Variants in KDM4B observed in about 807,000 individuals in gnomAD.
KDM4B encodes lysine demethylase 4B.
A neutral mutation model predicts 125.2 loss-of-function variants in KDM4B; 32 were observed. The observed-to-expected ratio is 0.26, with a 90% CI of 0.19 to 0.34. The LOEUF (loss-of-function observed/expected upper bound fraction) is 0.34, where lower values mean the gene tolerates loss of function less well. Among genes scored for constraint, KDM4B ranks in the 10% least tolerant of loss-of-function variants. KDM4B has a pLI of 1.00. For synonymous variants in KDM4B, 721 were observed against 677.9 expected (o/e 1.06, Z -0.99); for missense variants, 1,190 against 1,577.7 (o/e 0.75, Z 4.16).
chr19:5,137,977 C>G lies in KDM4B; in HGVS notation c.2457C>G (p.Ile819Met). 2 of 1,612,398 alleles carry G rather than the reference C, an allele frequency of 1.2e-6. No individual in the cohort carries two copies. ...GCCCTCCCAGGTGGATCCACGTGAT[C>G]TGTGCCATCGCAGTCCCCGAGGCGC... ...MTTDRRWIHV[I>M]CAIAVPEARF... The change falls in exon 18 of 23, where the codon ATC (isoleucine) becomes ATG (methionine). Residue 819 changes from isoleucine (I) to methionine (M), a missense_variant. This residue lies in a region of KDM4B where 298 missense variants were observed against 439.7 expected (regional missense o/e 0.68). Coordinates refer to ENST00000159111, the MANE Select transcript of KDM4B (RefSeq NM_015015.3).
intron 9 of KDM4B, among the ~76,000 whole-genome samples, chr19:5,091,703 G>A (rs1021474297): frequency 3.9e-5 from 6 of 151,900 alleles, no homozygotes; most frequent in East Asian, 1.9e-4. Context: ...TGATTAACCC[G>A]GAGCCCAGGG....
At chr19:5,056,868 CCTGGGGCGGGGACG>C (rs1331833006) in intron 6 of KDM4B, among the ~76,000 whole-genome samples, 3 of 145,084 alleles carry the variant, frequency 2.1e-5, no homozygotes, top group African/African-American at 5.1e-5. Flanking sequence ...GGCGGGGAGT[CCTGGGGCGGGGACG>C]CTGGGGCGGG....
At chr19:5,015,018 A>C (rs1276104050) in intron 1 of KDM4B, among the ~76,000 whole-genome samples, 1 of 151,774 alleles carries the variant, frequency 6.6e-6, no homozygotes, top group Non-Finnish European at 1.5e-5. Flanking sequence ...AAAGTACAAC[A>C]AAACCAGGGC....
intron 8 of KDM4B, 28 bp downstream of exon 8, chr19:5,077,498 G>A: frequency 1.3e-6 from 2 of 1,572,484 alleles, no homozygotes; most frequent in Non-Finnish European, 8.7e-7. Flanking sequence ...CTGCACGCCT[G>A]TGGGTGAAGT....
chr19:4,969,450 G>T (rs1169812305), intron 1 of KDM4B, among the ~76,000 whole-genome samples: 1 of 148,382 alleles, frequency 6.7e-6, no homozygotes, highest in Non-Finnish European at 1.5e-5. Context: ...TCGGGCGGGG[G>T]CGGCGGGGCC....
chr19:5,105,944 G>A (rs1392468733), intron 9 of KDM4B, among the ~76,000 whole-genome samples: 1 of 152,242 alleles, frequency 6.6e-6, no homozygotes, highest in Non-Finnish European at 1.5e-5. Context: ...CACCTTAGAG[G>A]ATATGCCTTC....
chr19:5,142,539 G>T lies in KDM4B; in HGVS notation c.2551-1428G>T, dbSNP rs777150295. Among the ~76,000 whole-genome samples, 1 of 152,140 alleles carries T rather than the reference G, an allele frequency of 6.6e-6. No individual in the cohort carries two copies. The highest frequency in any genetic ancestry group is 1.9e-4 in the East Asian group (1 of 5,170). Reference sequence around the variant, plus strand: ...AGGGGATGGTGCTGGGCACCAGCCTGCCCCGGGGCTGGGTTTCTCCTGGGC... The same window carrying T: ...AGGGGATGGTGCTGGGCACCAGCCTTCCCCGGGGCTGGGTTTCTCCTGGGC... On this transcript the variant is annotated intron_variant, in intron 18 of 22. Coordinates refer to ENST00000159111, the MANE Select transcript of KDM4B (RefSeq NM_015015.3). The surrounding 1 kb of genome is among the most constrained non-coding windows in gnomAD (Gnocchi z 5.4).
In KDM4B at chr19:5,063,725, CTTTG is replaced by C. The variant is rs1209242953; in HGVS notation, c.627-7279_627-7276del. Among the ~76,000 whole-genome samples, 3 of 152,336 alleles carry C rather than the reference CTTTG, an allele frequency of 2.0e-5. No homozygotes were observed. In the East Asian group the frequency reaches 5.8e-4, roughly 29 times the overall value. On this transcript the variant is annotated intron_variant, in intron 6 of 22. Transcript: ENST00000159111. ...TAGGTCCTCAGGTTCCTGTGAACAGCTTTGTTTGTGGTGCAGTTTCCATAGCATA... is the reference window on the plus strand; with the variant it reads ...TAGGTCCTCAGGTTCCTGTGAACAGCTTTGTGGTGCAGTTTCCATAGCATA...
intron 9 of KDM4B, among the ~76,000 whole-genome samples, chr19:5,105,476 G>A (rs571886144): frequency 9.8e-4 from 149 of 152,322 alleles, no homozygotes; most frequent in Non-Finnish European, 1.7e-3. Flanking sequence ...TCTGTCGCCC[G>A]GGCTGGAGTG....
At chr19:5,119,516 T>C in intron 10 of KDM4B, 137 bp from the exon 11 acceptor site, 1 of 886,068 alleles carries the variant, frequency 1.1e-6, no homozygotes, top group Non-Finnish European at 1.8e-6. Context: ...ACCCCCGGCC[T>C]CCAGCCAGGA....
chr19:5,017,692 T>C (rs263048), intron 2 of KDM4B, among the ~76,000 whole-genome samples: 57,331 of 152,130 alleles, frequency 0.38, 11,703 homozygotes, highest in East Asian at 0.73. Context: ...TAACACAGCA[T>C]GAACCAAGTA....
At chr19:5,072,170 C>T (rs1461802122) in intron 7 of KDM4B, among the ~76,000 whole-genome samples, 4 of 152,166 alleles carry the variant, frequency 2.6e-5, no homozygotes, top group Non-Finnish European at 4.4e-5. Flanking sequence ...AAAGGACGCC[C>T]GCCACATGCT....
At chr19:5,073,077 A>G (rs1016092085) in intron 7 of KDM4B, among the ~76,000 whole-genome samples, 3 of 152,188 alleles carry the variant, frequency 2.0e-5, no homozygotes, top group Non-Finnish European at 2.9e-5. Context: ...CCGGATAGCC[A>G]GGGTGCTCCC....
At chr19:5,024,047 G>T (rs1223690034) in intron 2 of KDM4B, among the ~76,000 whole-genome samples, 3 of 152,064 alleles carry the variant, frequency 2.0e-5, no homozygotes, top group Admixed American at 6.5e-5. Context: ...CCCTGCCCCT[G>T]GCCTTCTTAT....
Position 5,110,788 on chromosome 19 carries a change from G to A in KDM4B, c.1085G>A (p.Arg362Gln), listed in dbSNP as rs563179023. 30 of 1,596,962 alleles carry A rather than the reference G, an allele frequency of 1.9e-5. No individual in the cohort carries two copies. The East Asian group carries it at 4.8e-4, about 25-fold the overall frequency. ...SPELSSWSASRASLKAKLLRR... is the reference protein window; with the variant it reads ...SPELSSWSASQASLKAKLLRR... Reference sequence around the variant, plus strand: ...GAGCTGAGCTCCTGGAGTGCATCCCGGGCCTCGCTGAAGGCCAAGCTCCTC... The same window carrying A: ...GAGCTGAGCTCCTGGAGTGCATCCCAGGCCTCGCTGAAGGCCAAGCTCCTC... The change falls in exon 10 of 23, where the codon CGG becomes CAG. Residue 362 changes from arginine to glutamine, a missense_variant. By Grantham distance (43) the Arg-to-Gln change is conservative. Around this residue, in one of 7 missense-constraint regions of KDM4B, gnomAD observed 428 missense variants for 405.1 expected, o/e 1.06. Coordinates refer to ENST00000159111, the MANE Select transcript of KDM4B (RefSeq NM_015015.3).
At chr19:5,056,837 GC>G (rs1309234133) in intron 6 of KDM4B, among the ~76,000 whole-genome samples, 2 of 140,372 alleles carry the variant, frequency 1.4e-5, no homozygotes, top group African/African-American at 5.2e-5. Flanking sequence ...GGTGTCTAGA[GC>G]CCTGGGGTGG....
rs779046574 is a variant in KDM4B at position 5,035,970 on chromosome 19, G to A, written c.141+2939G>A. Among the ~76,000 whole-genome samples, 22 of 152,020 alleles carry A rather than the reference G, an allele frequency of 1.4e-4. No individual in the cohort carries two copies. Among genetic ancestry groups the A allele is most frequent in the Admixed American group, 5.9e-4 (9 of 15,278 alleles). ...GAGAGCTTGGCAGCTGCAGAGTCACGTTGGCACCCGCATGTGGCACACGCA... is the reference window on the plus strand; with the variant it reads ...GAGAGCTTGGCAGCTGCAGAGTCACATTGGCACCCGCATGTGGCACACGCA... On this transcript the variant is annotated intron_variant, in intron 3 of 22. Transcript: ENST00000159111. The surrounding 1 kb of genome is among the most constrained non-coding windows in gnomAD (Gnocchi z 5.3).
chr19:5,048,494 A>C (rs902249614), intron 6 of KDM4B, among the ~76,000 whole-genome samples: 3 of 151,666 alleles, frequency 2.0e-5, no homozygotes, highest in Non-Finnish European at 4.4e-5. Flanking sequence ...CATGCCTGGA[A>C]TCTTCCCAGG....
chr19:5,143,918 C>T (rs941056064), intron 18 of KDM4B, 49 bp from the exon 19 acceptor site: 1 of 1,452,550 alleles, frequency 6.9e-7, no homozygotes, highest in Admixed American at 1.9e-5. Context: ...GTTCCAGGGT[C>T]CCTAGGGAAG....
Sources: allele counts gnomAD v4.1 joint callset (sites outside exome capture counted in the v4.1 genomes callset), GRCh38; gene constraint gnomAD v4.1.1; regional missense constraint gnomAD v4.1.1; non-coding constraint Gnocchi (gnomAD v3.1); transcripts MANE v1.5; gene names NCBI Gene and HGNC (gene_info 2026-07-23, HGNC 2026-07-21).